PCDH15: variants seen among roughly 807,000 people sequenced by gnomAD.
The protein encoded by PCDH15 is protocadherin-15.
In PCDH15, 129 loss-of-function variants were observed where a neutral mutation model predicts 178.5. The ratio of observed to expected loss-of-function variants is 0.72; its 90% confidence interval spans 0.63 to 0.84. The LOEUF (loss-of-function observed/expected upper bound fraction) is 0.84, where lower values mean the gene tolerates loss of function less well. Ranked by LOEUF, PCDH15 falls within the 40% of genes least tolerant of loss-of-function variation. The probability of loss-of-function intolerance (pLI) is 0.00; values close to 1 mark genes in which losing one functional copy is unlikely to be tolerated. For synonymous variants in PCDH15, 800 were observed against 732.0 expected, an observed-to-expected ratio of 1.09 and a Z score of -1.50; for missense variants, 2,230 against 2,099.9, an observed-to-expected ratio of 1.06 and a Z score of -1.21.
intron 2 of PCDH15, among the ~76,000 whole-genome samples, chr10:55,008,182 T>C (rs1839974832): frequency 6.6e-6 from 1 of 152,244 alleles, no homozygotes; most frequent in Admixed American, 6.5e-5. Flanking sequence ...AATAGTCTAC[T>C]TGAGAACTGG....
At chr10:55,135,719 G>C (rs766916501) in intron 2 of PCDH15, among the ~76,000 whole-genome samples, 4 of 150,662 alleles carry the variant, frequency 2.7e-5, no homozygotes, top group Non-Finnish European at 4.4e-5. Context: ...AGTAGCTGGG[G>C]TTACAGGCAC....
chr10:54,131,474 T>C (rs937643295), intron 15 of PCDH15, among the ~76,000 whole-genome samples: 1 of 152,192 alleles, frequency 6.6e-6, no homozygotes, highest in Non-Finnish European at 1.5e-5. Flanking sequence ...TACAATACTT[T>C]GACTTTTTTT....
chr10:55,003,408 A>G (rs1408993558), intron 2 of PCDH15, among the ~76,000 whole-genome samples: 3 of 152,020 alleles, frequency 2.0e-5, no homozygotes, highest in Non-Finnish European at 2.9e-5. Flanking sequence ...CATAGAATGA[A>G]CTAATGGAGG....
intron 3 of PCDH15, among the ~76,000 whole-genome samples, chr10:54,882,923 T>C (rs997715592): frequency 6.6e-6 from 1 of 152,032 alleles, no homozygotes; most frequent in Non-Finnish European, 1.5e-5. Context: ...ATTATGAGGT[T>C]GAGAGCATTG....
At chr10:55,101,404 A>C (rs1217263788) in intron 2 of PCDH15, among the ~76,000 whole-genome samples, 1 of 129,230 alleles carries the variant, frequency 7.7e-6, no homozygotes, top group Admixed American at 7.2e-5. Context: ...AAAAAAAAAA[A>C]ACTTTTTTTT....
chr10:54,316,932 C>A (rs1437601842), intron 8 of PCDH15, among the ~76,000 whole-genome samples: 1 of 152,052 alleles, frequency 6.6e-6, no homozygotes, highest in Non-Finnish European at 1.5e-5. Context: ...CTTACGACTG[C>A]ATGTTTAAAT....
intron 2 of PCDH15, among the ~76,000 whole-genome samples, chr10:54,634,081 A>G (rs987027453): frequency 1.3e-5 from 2 of 152,130 alleles, no homozygotes; most frequent in African/African-American, 4.8e-5. Context: ...CAAATGACTG[A>G]ATTAAACTCT....
At chr10:54,675,513 C>T (rs2094769437) in intron 1 of PCDH15, among the ~76,000 whole-genome samples, 1 of 143,876 alleles carries the variant, frequency 7.0e-6, no homozygotes, top group Admixed American at 7.0e-5. Context: ...CTATTTATTA[C>T]CATAACCAAA....
Position 54,165,487 on chromosome 10 carries a change from G to A in PCDH15, c.1591-12194C>T, listed in dbSNP as rs936149686. On this transcript the variant is annotated intron_variant, in intron 13 of 37. Coordinates refer to ENST00000644397, the MANE Select transcript of PCDH15 (RefSeq NM_001384140.1). ...TTTTCACAGCCTGACTATTTAAAGG[G>A]CTTGTTTCTTTTCTGCAGCAACTTC... 3.0e-4 allele frequency among the ~76,000 whole-genome samples: 46 copies of A among 152,076 alleles called. 3 individuals carry two copies.
chr10:55,343,440 C>A (rs181052083), intron 2 of PCDH15, among the ~76,000 whole-genome samples: 182 of 152,092 alleles, frequency 1.2e-3, no homozygotes, highest in African/African-American at 3.7e-3. Context: ...TGCCCTCTAC[C>A]AAATATCTTT....
intron 3 of PCDH15, among the ~76,000 whole-genome samples, chr10:54,447,146 T>TC (rs1565300145): frequency 6.6e-6 from 1 of 151,628 alleles, no homozygotes; most frequent in Non-Finnish European, 1.5e-5. Context: ...CGTTGGTGTG[T>TC]CAGTGTTTGG....
chr10:54,433,391 G>A (rs2075148926), intron 3 of PCDH15, among the ~76,000 whole-genome samples: 1 of 152,114 alleles, frequency 6.6e-6, no homozygotes, highest in Non-Finnish European at 1.5e-5. Flanking sequence ...CATAAAAAAT[G>A]AGATTCTGTC....
intron 2 of PCDH15, among the ~76,000 whole-genome samples, chr10:55,084,462 T>TAAAAAAAAAAAAAAAAAAAAAAAAAAAAA (rs71461276): frequency 1.4e-5 from 2 of 145,550 alleles, no homozygotes; most frequent in African/African-American, 5.0e-5. Flanking sequence ...CCTCAAGCTG[T>TAAAAAAAAAAAAAAAAAAAAAAAAAAAAA]AAAAAAAAAA....
At chr10:55,550,020 C>T (rs1841972901) in intron 2 of PCDH15, among the ~76,000 whole-genome samples, 1 of 152,046 alleles carries the variant, frequency 6.6e-6, no homozygotes. Flanking sequence ...CACCCATCTT[C>T]TCTTTGAGGC....
chr10:53,968,679 C>T (rs1209767663), intron 21 of PCDH15, among the ~76,000 whole-genome samples: 1 of 152,148 alleles, frequency 6.6e-6, no homozygotes, highest in African/African-American at 2.4e-5. Flanking sequence ...CAGGCAGCAA[C>T]ATTTGCCATT....
At chr10:54,717,778 C>G (rs544843251) in intron 1 of PCDH15, among the ~76,000 whole-genome samples, 2 of 143,074 alleles carry the variant, frequency 1.4e-5, no homozygotes, top group Non-Finnish European at 3.0e-5. Flanking sequence ...CCCAAAGGAC[C>G]ATAAATCATG....
chr10:54,246,232 A>G (rs2055910288), intron 8 of PCDH15, among the ~76,000 whole-genome samples: 1 of 151,934 alleles, frequency 6.6e-6, no homozygotes, highest in Non-Finnish European at 1.5e-5. Flanking sequence ...AATTATTACA[A>G]AGTTATAATT....
intron 2 of PCDH15, among the ~76,000 whole-genome samples, chr10:55,407,783 A>G (rs1178078807): frequency 6.6e-6 from 1 of 152,196 alleles, no homozygotes; most frequent in Non-Finnish European, 1.5e-5. Flanking sequence ...AACAATTCCT[A>G]AATTTCTGGA....
chr10:54,363,376 T>C (rs1946339124), intron 5 of PCDH15, among the ~76,000 whole-genome samples: 1 of 152,172 alleles, frequency 6.6e-6, no homozygotes, highest in Non-Finnish European at 1.5e-5. Context: ...TGTGTCTTCA[T>C]TGAACCTTGT....
Sources: gnomAD v4.1 joint callset for allele counts (sites outside exome capture counted in the v4.1 genomes callset) on GRCh38, gnomAD v4.1.1 for gene constraint, MANE v1.5 for transcripts, NCBI Gene and HGNC (gene_info 2026-07-23, HGNC 2026-07-21) for gene names.